ACTR3C: variants seen among roughly 807,000 people sequenced by gnomAD.
ACTR3C encodes actin related protein 3C.
In ACTR3C, 18 loss-of-function variants were observed where a neutral mutation model predicts 26.3. That is an observed-to-expected ratio of 0.68 (90% confidence interval 0.47 to 1.01). The LOEUF is 1.01. Among genes scored for constraint, ACTR3C ranks in the 50% least tolerant of loss-of-function variants. ACTR3C has a pLI of 0.00. For synonymous variants in ACTR3C, 55 were observed against 94.5 expected, an observed-to-expected ratio of 0.58 and a Z score of 2.42; for missense variants, 184 against 250.7, an observed-to-expected ratio of 0.73 and a Z score of 1.80.
the ACTR3C span, among the ~76,000 whole-genome samples, chr7:150,204,807 G>A: frequency 6.6e-6 from 1 of 151,908 alleles, no homozygotes; most frequent in Admixed American, 6.6e-5. Flanking sequence ...GAGGACCAGC[G>A]AGTGCAGAGG....
the ACTR3C span, among the ~76,000 whole-genome samples, chr7:150,091,937 G>A: frequency 8.6e-3 from 915 of 106,762 alleles, no homozygotes; most frequent in East Asian, 0.021. Flanking sequence ...GCAGTGAGCC[G>A]AGATCGCGCC....
At chr7:150,299,210 T>C (rs1020389747) in intron 1 of ACTR3C, among the ~76,000 whole-genome samples, 11 of 151,572 alleles carry the variant, frequency 7.3e-5, no homozygotes, top group African/African-American at 2.7e-4. Flanking sequence ...CTCGAGCTCC[T>C]GACCTCAAGT....
chr7:150,015,875 T>C, the ACTR3C span, among the ~76,000 whole-genome samples: 4 of 152,310 alleles, frequency 2.6e-5, no homozygotes, highest in Admixed American at 1.3e-4. Flanking sequence ...GTAGTGTATG[T>C]CTGTTGTTTT....
At chr7:150,058,352 C>A in the ACTR3C span, among the ~76,000 whole-genome samples, 2 of 152,194 alleles carry the variant, frequency 1.3e-5, no homozygotes, top group African/African-American at 4.8e-5. Flanking sequence ...GCCAACCTTT[C>A]ATTGGTTGCC....
At chr7:150,036,544 G>C in the ACTR3C span, among the ~76,000 whole-genome samples, 18 of 144,720 alleles carry the variant, frequency 1.2e-4, 3 homozygotes, top group South Asian at 1.5e-3. Context: ...CATTTCAAAA[G>C]TTCCGGGTCC....
chr7:149,923,199 G>T, the ACTR3C span, among the ~76,000 whole-genome samples: 1 of 132,644 alleles, frequency 7.5e-6, no homozygotes, highest in African/African-American at 2.6e-5. Flanking sequence ...CATGGCAAAA[G>T]ATTATGTTTA....
At chr7:149,885,514 A>G in the ACTR3C span, among the ~76,000 whole-genome samples, 1 of 152,224 alleles carries the variant, frequency 6.6e-6, no homozygotes, top group Admixed American at 6.5e-5. Flanking sequence ...TTCTCCCCGC[A>G]GGCGGCTTCC....
At chr7:150,081,695 A>G in the ACTR3C span, among the ~76,000 whole-genome samples, 1 of 151,340 alleles carries the variant, frequency 6.6e-6, no homozygotes, top group Admixed American at 6.5e-5. Context: ...GCATTTTTCC[A>G]TATTTCCCCT....
chr7:150,268,044 T>A (rs1179184755), intron 6 of ACTR3C, among the ~76,000 whole-genome samples: 4 of 152,156 alleles, frequency 2.6e-5, no homozygotes, highest in African/African-American at 9.7e-5. Context: ...AAGGGGCCAC[T>A]CTGAGTTGAG....
At chr7:150,039,228 C>A in the ACTR3C span, among the ~76,000 whole-genome samples, 1 of 147,660 alleles carries the variant, frequency 6.8e-6, no homozygotes, top group African/African-American at 2.6e-5. Flanking sequence ...GTCCTAAGAG[C>A]CAGTGGGGGA....
chr7:150,260,465 G>A lies in ACTR3C; in HGVS notation c.565-11411C>T, dbSNP rs1001529971. On this transcript the variant is annotated intron_variant, in intron 6 of 7. Transcript: ENST00000683684. ...ATCTTTTTTTGTTTGTTTTGTAGAGGGAAAGGGAAATGATTAGTAAAAGGG... is the reference window on the plus strand; with the variant it reads ...ATCTTTTTTTGTTTGTTTTGTAGAGAGAAAGGGAAATGATTAGTAAAAGGG... 1.3e-5 allele frequency among the ~76,000 whole-genome samples: 2 copies of A among 152,160 alleles called. 1 individual carries two copies. Among genetic ancestry groups the A allele is most frequent in the Non-Finnish European group, 2.9e-5 (2 of 68,038 alleles).
chr7:150,114,007 G>C, the ACTR3C span, among the ~76,000 whole-genome samples: 1 of 152,040 alleles, frequency 6.6e-6, no homozygotes, highest in East Asian at 1.9e-4. Context: ...CTTGCTTCAA[G>C]AGTTTACAAA....
the ACTR3C span, among the ~76,000 whole-genome samples, chr7:150,068,512 T>G: frequency 2.0e-5 from 3 of 152,084 alleles, no homozygotes; most frequent in East Asian, 5.8e-4. Context: ...CTCCTTCTCA[T>G]GCCTGTAATC....
At chr7:150,313,749 G>GTCTC (rs1275861252) in intron 1 of ACTR3C, among the ~76,000 whole-genome samples, 1 of 152,188 alleles carries the variant, frequency 6.6e-6, no homozygotes, top group Non-Finnish European at 1.5e-5. Context: ...GAAAGAGGGA[G>GTCTC]AGAGGGGGAG....
At chr7:150,012,316 T>A in the ACTR3C span, among the ~76,000 whole-genome samples, 1 of 112,974 alleles carries the variant, frequency 8.9e-6, no homozygotes, top group Admixed American at 9.0e-5. Context: ...TATAAATGCA[T>A]CTTTTTTTTT....
the ACTR3C span, among the ~76,000 whole-genome samples, chr7:149,919,650 C>A: frequency 6.6e-6 from 1 of 151,962 alleles, no homozygotes; most frequent in Non-Finnish European, 1.5e-5. Flanking sequence ...TTAGTTGAGT[C>A]CATGCCAGGT....
chr7:150,091,987 CAAAAAAAAAAAAAAAAAA>C, the ACTR3C span, among the ~76,000 whole-genome samples: 34 of 19,404 alleles, frequency 1.8e-3, 1 homozygote, highest in East Asian at 4.4e-3. Context: ...GACTCCGTCT[CAAAAAAAAAAAAAAAAAA>C]AAAAAAAAAA....
the ACTR3C span, among the ~76,000 whole-genome samples, chr7:150,091,028 G>A: frequency 6.6e-6 from 1 of 151,676 alleles, no homozygotes; most frequent in Non-Finnish European, 1.5e-5. Context: ...TTAATGAGCT[G>A]GTATCTAATT....
At chr7:150,196,804 G>C in the ACTR3C span, among the ~76,000 whole-genome samples, 2 of 152,156 alleles carry the variant, frequency 1.3e-5, no homozygotes, top group African/African-American at 4.8e-5. Flanking sequence ...ACTGGCCTCA[G>C]ATTTATCAGT....
Sources: gnomAD v4.1 joint callset for allele counts (sites outside exome capture counted in the v4.1 genomes callset) on GRCh38, gnomAD v4.1.1 for gene constraint, MANE v1.5 for transcripts, NCBI Gene and HGNC (gene_info 2026-07-23, HGNC 2026-07-21) for gene names.